The following ANK2 variants were observed in gnomAD, a reference collection of about 807,000 sequenced individuals.
ANK2 encodes ankyrin-2.
In ANK2, 83 loss-of-function variants were observed where a neutral mutation model predicts 360.5. That is an observed-to-expected ratio of 0.23 (90% CI 0.19 to 0.28). The LOEUF (loss-of-function observed/expected upper bound fraction) is 0.28. Among genes scored for constraint, ANK2 ranks in the 10% least tolerant of loss-of-function variants. The probability of loss-of-function intolerance (pLI) is 1.00; values close to 1 mark genes in which losing one functional copy is unlikely to be tolerated. For missense variants in ANK2, 4,201 were observed against 4,795.7 expected (o/e 0.88, Z 3.66); for synonymous variants, 1,740 against 1,759.5 (o/e 0.99, Z 0.28).
At chr4:113,339,656 C>T (rs2094017486) in intron 32 of ANK2, among the ~76,000 whole-genome samples, 1 of 152,224 alleles carries the variant, frequency 6.6e-6, no homozygotes, top group Non-Finnish European at 1.5e-5. Context: ...GCAAAATAGC[C>T]TGAACTACTT....
the ANK2 span, chr4:112,738,665 C>A: frequency 3.4e-4 from 195 of 575,702 alleles, no homozygotes; most frequent in African/African-American, 2.8e-3. Context: ...ATCTCCTCCT[C>A]AGCATCACGG....
chr4:113,340,893 G>C (rs568518219), intron 32 of ANK2, among the ~76,000 whole-genome samples: 7 of 151,852 alleles, frequency 4.6e-5, no homozygotes, highest in African/African-American at 1.7e-4. Flanking sequence ...AAACCCTTTG[G>C]AAGTATAAAA....
chr4:112,983,636 T>C lies in ANK2; in HGVS notation c.21+79122T>C, dbSNP rs180775303. Among the ~76,000 whole-genome samples, 15 of 151,860 alleles carry C rather than the reference T, an allele frequency of 9.9e-5. No homozygotes were observed. The East Asian group carries it at 2.9e-3, about 29-fold the overall frequency. On this transcript the variant is annotated intron_variant, in intron 2 of 30. Coordinates refer to the ANK2 transcript ENST00000503271. ...GTTGTGGTGACCCAAGATCTCACCA[T>C]TGCACTCCAGCCTGAGCAACAAGAG...
upstream of ANK2, among the ~76,000 whole-genome samples, chr4:113,046,101 A>G (rs527503280): frequency 7.9e-5 from 12 of 152,248 alleles, no homozygotes; most frequent in South Asian, 2.5e-3. Flanking sequence ...AGACAGGCAC[A>G]AGGAAATTGA....
chr4:113,227,523 G>A (rs1214027318), intron 4 of ANK2, among the ~76,000 whole-genome samples: 1 of 152,136 alleles, frequency 6.6e-6, no homozygotes, highest in East Asian at 1.9e-4. Flanking sequence ...TTAAAAAAAT[G>A]CTCATTTTTG....
chr4:113,082,412 C>G (rs2154348012), intron 1 of ANK2, among the ~76,000 whole-genome samples: 1 of 152,244 alleles, frequency 6.6e-6, no homozygotes, highest in Admixed American at 6.5e-5. Flanking sequence ...ATTTTGGGAT[C>G]ATAGGTGTGA....
intron 1 of ANK2, among the ~76,000 whole-genome samples, chr4:113,113,300 A>G (rs539338982): frequency 1.7e-4 from 26 of 152,214 alleles, no homozygotes; most frequent in African/African-American, 5.8e-4. Context: ...ATGCTGTTCA[A>G]TTGCATAGCT....
chr4:113,319,193 C>T (rs2084618563), intron 26 of ANK2, among the ~76,000 whole-genome samples: 1 of 152,128 alleles, frequency 6.6e-6, no homozygotes, highest in Non-Finnish European at 1.5e-5. Flanking sequence ...ATACACACCA[C>T]TGTTGAAGCA....
chr4:113,296,052 A>T (rs988423835), intron 22 of ANK2, among the ~76,000 whole-genome samples: 1 of 152,044 alleles, frequency 6.6e-6, no homozygotes, highest in Non-Finnish European at 1.5e-5. Flanking sequence ...ATTTAAGTTT[A>T]AAAATATGTA....
At chr4:112,787,959 G>A in the ANK2 span, 2 of 627,492 alleles carry the variant, frequency 3.2e-6, no homozygotes, top group African/African-American at 1.8e-5. Context: ...ATCATTATAT[G>A]ATCATTAATG....
At chr4:113,025,667 C>T (rs2059133261) in intron 2 of ANK2, among the ~76,000 whole-genome samples, 1 of 152,116 alleles carries the variant, frequency 6.6e-6, no homozygotes, top group South Asian at 2.1e-4. Context: ...TGTTTCTTGG[C>T]TTCTTGTGAA....
chr4:113,242,567 G>A (rs1395077188), intron 9 of ANK2, among the ~76,000 whole-genome samples: 11 of 152,188 alleles, frequency 7.2e-5, no homozygotes. Context: ...GATTGAGAAT[G>A]TGGCTTTTAC....
chr4:112,827,030 G>C, intron 1 of ANK2: 3 of 1,395,888 alleles, frequency 2.1e-6, no homozygotes, highest in Non-Finnish European at 3.1e-6. Flanking sequence ...TTGGTAAAAA[G>C]CATGACATTA....
At chr4:113,368,245 C>T (rs1226477106) in intron 42 of ANK2, among the ~76,000 whole-genome samples, 1 of 152,200 alleles carries the variant, frequency 6.6e-6, no homozygotes, top group Admixed American at 6.5e-5. Flanking sequence ...TATTGCTGCA[C>T]CTCATTTGCT....
chr4:112,755,941 A>ATTATTT, the ANK2 span: 5 of 152,196 alleles, frequency 3.3e-5, no homozygotes, highest in Admixed American at 3.3e-4. Flanking sequence ...TATTATTATT[A>ATTATTT]TTAAGACACA....
intron 2 of ANK2, among the ~76,000 whole-genome samples, chr4:112,942,588 A>G (rs1405071632): frequency 6.6e-6 from 1 of 151,968 alleles, no homozygotes; most frequent in Non-Finnish European, 1.5e-5. Context: ...CCAAAGCAAT[A>G]CTATATAAGG....
intron 14 of ANK2, among the ~76,000 whole-genome samples, chr4:113,271,755 C>G (rs1345352887): frequency 6.6e-6 from 1 of 152,172 alleles, no homozygotes; most frequent in Non-Finnish European, 1.5e-5. Context: ...TTTTAAAGTT[C>G]ACGCAGAACA....
chr4:112,836,232 G>A (rs940712699), intron 1 of ANK2, among the ~76,000 whole-genome samples: 1 of 152,012 alleles, frequency 6.6e-6, no homozygotes, highest in African/African-American at 2.4e-5. Flanking sequence ...GCACTTCCTC[G>A]CTCTCTCTCC....
At chr4:113,225,219 G>A (rs748398295) in intron 4 of ANK2, among the ~76,000 whole-genome samples, 6 of 152,008 alleles carry the variant, frequency 3.9e-5, no homozygotes, top group South Asian at 2.1e-4. Context: ...CCTTCTTCAC[G>A]GAGTTAATTG....
Sources: gnomAD v4.1 joint callset for allele counts (sites outside exome capture counted in the v4.1 genomes callset) on GRCh38, gnomAD v4.1.1 for gene constraint, MANE v1.5 for transcripts, NCBI Gene and HGNC (gene_info 2026-07-23, HGNC 2026-07-21) for gene names.